The following CKAP5 variants were observed in gnomAD, a reference collection of about 807,000 sequenced individuals.
CKAP5 encodes cytoskeleton associated protein 5, also known as cytoskeleton-associated protein 5.
A neutral mutation model predicts 232.8 loss-of-function variants in CKAP5; 27 were observed. The ratio of observed to expected loss-of-function variants is 0.12; its 90% CI spans 0.09 to 0.16. The LOEUF (loss-of-function observed/expected upper bound fraction) is 0.16. Among genes scored for constraint, CKAP5 ranks in the 10% least tolerant of loss-of-function variants. CKAP5 has a pLI of 1.00. For synonymous variants in CKAP5, 785 were observed against 841.1 expected (o/e 0.93, Z 1.16); for missense variants, 1,838 against 2,424.7 (o/e 0.76, Z 5.08).
At chr11:46,816,481 T>C (rs565622231) in intron 3 of CKAP5, 77 bp from the exon 4 acceptor site, 4 of 1,020,786 alleles carry the variant, frequency 3.9e-6, no homozygotes, top group East Asian at 4.8e-5. Context: ...GGGGGTGTAC[T>C]AGTACTTTTA....
chr11:46,792,398 C>T (rs908767927), intron 13 of CKAP5, among the ~76,000 whole-genome samples: 1 of 151,926 alleles, frequency 6.6e-6, no homozygotes, highest in African/African-American at 2.4e-5. Flanking sequence ...ACTAAAAATA[C>T]AAAAATTAGC....
intron 1 of CKAP5, among the ~76,000 whole-genome samples, chr11:46,829,279 T>C (rs1939722493): frequency 6.6e-6 from 1 of 152,222 alleles, no homozygotes; most frequent in African/African-American, 2.4e-5. Flanking sequence ...AAGACCTTTA[T>C]GATGATCCAC....
chr11:46,821,113 T>C lies in CKAP5; in HGVS notation c.57+62A>G, dbSNP rs550032979. 6 of 1,139,160 alleles carry C rather than the reference T, an allele frequency of 5.3e-6. No individual in the cohort carries two copies. The African/African-American group carries it at 7.6e-5, about 15-fold the overall frequency. 70.6% of individuals were successfully genotyped at this position (1,139,160 alleles called of 1,614,324 possible). The stretch of plus-strand genomic sequence containing the variant: ...TTTCACACACTTCTAAGTAAGATGA[T>C]AGTATAACTGCTCACAAAACAAGCC... On this transcript the variant is annotated intron_variant, in intron 2 of 43. Coordinates refer to ENST00000529230, the MANE Select transcript of CKAP5 (RefSeq NM_001008938.4).
intron 3 of CKAP5, 113 bp from the exon 4 acceptor site, chr11:46,816,517 GTC>G: frequency 1.4e-6 from 1 of 724,348 alleles, no homozygotes; most frequent in South Asian, 1.9e-5. Context: ...CAGTAAATGA[GTC>G]TTTAATTTTT....
At chr11:46,843,788 A>G (rs2090447000) in intron 1 of CKAP5, among the ~76,000 whole-genome samples, 1 of 152,076 alleles carries the variant, frequency 6.6e-6, no homozygotes, top group East Asian at 1.9e-4. Flanking sequence ...CAGAACTATG[A>G]AAGTTGGAAG....
chr11:46,801,761 G>A (rs763900355), intron 8 of CKAP5, among the ~76,000 whole-genome samples: 1 of 151,514 alleles, frequency 6.6e-6, no homozygotes, highest in Non-Finnish European at 1.5e-5. Context: ...TCATTGTATC[G>A]AATTTGGGAG....
chr11:46,808,457 C>A (rs1056258538), intron 7 of CKAP5, among the ~76,000 whole-genome samples: 9 of 152,168 alleles, frequency 5.9e-5, no homozygotes, highest in African/African-American at 2.2e-4. Context: ...AGGAGAATGG[C>A]ATGAACCCGG....
At chr11:46,840,047 G>T (rs1175922974) in intron 1 of CKAP5, among the ~76,000 whole-genome samples, 5 of 152,034 alleles carry the variant, frequency 3.3e-5, no homozygotes, top group Non-Finnish European at 7.4e-5. Flanking sequence ...GACAGATTGA[G>T]CCCAGGAGGT....
rs964578489 is a variant in CKAP5 at position 46,750,179 on chromosome 11, G to T, written c.5704+95C>A. 24 of 1,253,422 alleles carry T rather than the reference G, an allele frequency of 1.9e-5. No homozygotes were observed. The African/African-American group carries it at 2.3e-4, about 12-fold the overall frequency. 77.6% of individuals were successfully genotyped at this position (1,253,422 alleles called of 1,614,324 possible). A position where few individuals can be genotyped will look rare whatever the true frequency, so the allele number is the denominator to read the frequency against. ...CATTTGGTGACCATTAAGTATTGAG[G>T]TTCATGGATATGAATTTAAACTAAC... On this transcript the variant is annotated intron_variant, in intron 42 of 43. Coordinates refer to ENST00000529230, the MANE Select transcript of CKAP5 (RefSeq NM_001008938.4).
intron 4 of CKAP5, among the ~76,000 whole-genome samples, chr11:46,812,799 G>A (rs1412241875): frequency 6.6e-6 from 1 of 151,890 alleles, no homozygotes; most frequent in East Asian, 1.9e-4. Flanking sequence ...CACCATGCCC[G>A]GCTAATTTTT....
intron 1 of CKAP5, among the ~76,000 whole-genome samples, chr11:46,840,186 T>A (rs181441767): frequency 8.5e-5 from 13 of 152,254 alleles, no homozygotes; most frequent in Admixed American, 7.2e-4. Flanking sequence ...ATTCAATACA[T>A]GTTAGCTACT....
intron 28 of CKAP5, among the ~76,000 whole-genome samples, chr11:46,763,936 A>G (rs915631403): frequency 6.6e-6 from 1 of 152,158 alleles, no homozygotes; most frequent in Non-Finnish European, 1.5e-5. Flanking sequence ...CCCAGGCTCA[A>G]GTGATTCTTC....
chr11:46,809,367 G>T, intron 7 of CKAP5, 33 bp downstream of exon 7: 1 of 1,351,702 alleles, frequency 7.4e-7, no homozygotes, highest in South Asian at 1.2e-5. Context: ...TATTTTACAA[G>T]AAATAAATGA....
chr11:46,802,042 G>GGCTGCA (rs1418984584), intron 8 of CKAP5: 2 of 152,194 alleles, frequency 1.3e-5, no homozygotes, highest in Non-Finnish European at 2.9e-5. Flanking sequence ...CAGTACAAAC[G>GGCTGCA]GCTGCAGGTA....
chr11:46,829,168 T>G (rs982921463), intron 1 of CKAP5, among the ~76,000 whole-genome samples: 1 of 152,142 alleles, frequency 6.6e-6, no homozygotes, highest in Non-Finnish European at 1.5e-5. Context: ...ACTGCACGGG[T>G]TGACTTGCAT....
At position 46,765,221 on chromosome 11, in the gene CKAP5, G is replaced by T; in HGVS notation, c.3447C>A (p.Ser1149Arg). ...CGGATTTGTCTTCATCCTCCTTTAA[G>T]CTGGTTTTGCTTGGCATCTTCTTCC... ...AQGKKMPSKTSLKEDEDKSGP... is the reference protein window; with the variant it reads ...AQGKKMPSKTRLKEDEDKSGP... The change falls in exon 28 of 44, where the codon AGC becomes AGA. Residue 1149 changes from serine to arginine, a missense_variant. Ser to Arg is a moderately radical substitution (Grantham distance 110, BLOSUM62 -1). Coordinates refer to ENST00000529230, the MANE Select transcript of CKAP5 (RefSeq NM_001008938.4). 1 of 1,612,588 alleles carries T rather than the reference G, an allele frequency of 6.2e-7. No individual in the cohort carries two copies. The highest frequency in any genetic ancestry group is 8.5e-7 in the Non-Finnish European group (1 of 1,179,432).
intron 5 of CKAP5, 67 bp from the exon 6 acceptor site, chr11:46,809,941 T>TA: frequency 6.9e-7 from 1 of 1,455,464 alleles, no homozygotes. Flanking sequence ...ACTTAATACT[T>TA]ACATTTATTG....
At chr11:46,800,041 A>C (rs1938990293) in intron 9 of CKAP5, among the ~76,000 whole-genome samples, 1 of 152,124 alleles carries the variant, frequency 6.6e-6, no homozygotes, top group Non-Finnish European at 1.5e-5. Context: ...CTGATATTTA[A>C]GTGGTGTAGG....
At chr11:46,790,670 T>C (rs1353864592) in intron 13 of CKAP5, 87 bp from the exon 14 acceptor site, 1 of 928,354 alleles carries the variant, frequency 1.1e-6, no homozygotes, top group African/African-American at 1.7e-5. Flanking sequence ...TGAGACAGTG[T>C]CTCATATTGT....
Sources: allele counts gnomAD v4.1 joint callset (sites outside exome capture counted in the v4.1 genomes callset), GRCh38; gene constraint gnomAD v4.1.1; transcripts MANE v1.5; gene names NCBI Gene and HGNC (gene_info 2026-07-23, HGNC 2026-07-21).